Variants in LSAMP observed in about 807,000 individuals in gnomAD.
LSAMP encodes the protein limbic system-associated membrane protein.
Under a neutral mutation model 38.6 loss-of-function variants are expected in LSAMP, and 7 were observed. The observed-to-expected ratio is 0.18, with a 90% CI of 0.10 to 0.34. The LOEUF (loss-of-function observed/expected upper bound fraction) is 0.34, where lower values mean the gene tolerates loss of function less well. Ranked by LOEUF, LSAMP falls within the 10% of genes least tolerant of loss-of-function variation. LSAMP has a pLI of 1.00. For synonymous variants in LSAMP, 154 were observed against 166.8 expected (o/e 0.92, Z 0.59); for missense variants, 313 against 420.0 (o/e 0.75, Z 2.23).
intron 3 of LSAMP, among the ~76,000 whole-genome samples, chr3:115,941,591 A>C (rs1353779831): frequency 6.6e-6 from 1 of 152,162 alleles, no homozygotes; most frequent in Non-Finnish European, 1.5e-5. Flanking sequence ...ACAGATACAC[A>C]CACACAATAG....
At chr3:115,997,977 CGTGT>C (rs1285046389) in intron 3 of LSAMP, among the ~76,000 whole-genome samples, 2 of 147,380 alleles carry the variant, frequency 1.4e-5, no homozygotes, top group African/African-American at 5.0e-5. Context: ...TTCTATATAT[CGTGT>C]GTGTGATATG....
chr3:116,381,624 A>T (rs1452289199), intron 1 of LSAMP, among the ~76,000 whole-genome samples: 1 of 152,170 alleles, frequency 6.6e-6, no homozygotes, highest in Non-Finnish European at 1.5e-5. Context: ...TACAACCTAG[A>T]CAACAACATA....
intron 1 of LSAMP, among the ~76,000 whole-genome samples, chr3:116,134,633 T>C (rs1709206834): frequency 1.3e-5 from 2 of 152,222 alleles, no homozygotes; most frequent in South Asian, 4.1e-4. Context: ...ACCATCTTCC[T>C]CAATATTTGC....
chr3:116,432,575 A>T (rs1731608), intron 1 of LSAMP, among the ~76,000 whole-genome samples: 129,657 of 151,216 alleles, frequency 0.86, 55,693 homozygotes, highest in Middle Eastern at 0.98. Context: ...AGGATTTTTT[A>T]AAAAAATTGT....
intron 3 of LSAMP, among the ~76,000 whole-genome samples, chr3:115,961,356 G>A (rs58478185): frequency 0.035 from 5,274 of 152,276 alleles, 216 homozygotes; most frequent in African/African-American, 0.1. Context: ...GGAGGACACT[G>A]CCAATTCTCC....
chr3:116,245,085 A>G (rs1162507165), intron 1 of LSAMP, among the ~76,000 whole-genome samples: 1 of 152,166 alleles, frequency 6.6e-6, no homozygotes, highest in Non-Finnish European at 1.5e-5. Context: ...GATAGAGTCT[A>G]AAGAGGTAAT....
chr3:116,409,767 C>T (rs2048946668), intron 1 of LSAMP, among the ~76,000 whole-genome samples: 1 of 152,004 alleles, frequency 6.6e-6, no homozygotes, highest in Admixed American at 6.6e-5. Flanking sequence ...TAACCACTTG[C>T]CCTTTTAAAT....
intron 1 of LSAMP, among the ~76,000 whole-genome samples, chr3:116,178,709 T>C (rs1304911888): frequency 6.6e-6 from 1 of 152,086 alleles, no homozygotes; most frequent in East Asian, 1.9e-4. Flanking sequence ...GAGCCCAAGA[T>C]AAACCAAATC....
intron 2 of LSAMP, among the ~76,000 whole-genome samples, chr3:116,060,892 A>G (rs1003963287): frequency 6.6e-6 from 1 of 152,046 alleles, no homozygotes; most frequent in Non-Finnish European, 1.5e-5. Context: ...AAAAAATAAA[A>G]TACCACAATG....
At chr3:116,046,397 G>A (rs146844188) in intron 2 of LSAMP, among the ~76,000 whole-genome samples, 209 of 151,822 alleles carry the variant, frequency 1.4e-3, no homozygotes, top group African/African-American at 4.3e-3. Context: ...TTGGAAAAAA[G>A]AAACAGGAAA....
rs201478952 is a variant in LSAMP, at chr3:116,216,970, A to G, written c.156-130414T>C. ...GGTTTAGTGGTTAAGATAAGCACTT[A>G]AAGTGAGGCTGTTCTTATTCTAAGC... On this transcript the variant is annotated intron_variant, in intron 1 of 6. Coordinates refer to ENST00000490035, the MANE Select transcript of LSAMP (RefSeq NM_002338.5). Among the ~76,000 whole-genome samples, 8 of 152,360 alleles carry G rather than the reference A, an allele frequency of 5.3e-5. No individual in the cohort carries two copies. The East Asian group carries it at 1.5e-3, about 29-fold the overall frequency.
At chr3:115,820,004 T>C (rs987623358) in intron 6 of LSAMP, among the ~76,000 whole-genome samples, 2 of 150,414 alleles carry the variant, frequency 1.3e-5, no homozygotes, top group African/African-American at 4.9e-5. Context: ...GAGGTGGCAA[T>C]AGTGGGAGAA....
intron 1 of LSAMP, among the ~76,000 whole-genome samples, chr3:116,442,542 C>T (rs13094055): frequency 0.25 from 38,185 of 151,874 alleles, 5,238 homozygotes; most frequent in African/African-American, 0.37. Context: ...GAAAGCTTAC[C>T]GGTTTTAAAG....
intron 1 of LSAMP, among the ~76,000 whole-genome samples, chr3:116,328,479 C>A (rs2047804719): frequency 6.6e-6 from 1 of 152,146 alleles, no homozygotes; most frequent in Non-Finnish European, 1.5e-5. Context: ...TAGAGATTAA[C>A]ATTACAGGTA....
intron 1 of LSAMP, among the ~76,000 whole-genome samples, chr3:116,139,388 C>T (rs889579042): frequency 6.6e-6 from 1 of 151,920 alleles, no homozygotes; most frequent in Non-Finnish European, 1.5e-5. Flanking sequence ...GTTTCTGAGG[C>T]CAACCTGGAG....
chr3:116,194,571 G>C (rs1008492965), intron 1 of LSAMP, among the ~76,000 whole-genome samples: 9 of 152,028 alleles, frequency 5.9e-5, no homozygotes, highest in African/African-American at 2.2e-4. Flanking sequence ...ATTTTTTCGT[G>C]TTTTTTAGTA....
chr3:116,430,853 C>G (rs1216842769), intron 1 of LSAMP, among the ~76,000 whole-genome samples: 1 of 151,994 alleles, frequency 6.6e-6, no homozygotes, highest in African/African-American at 2.4e-5. Context: ...TGTCATTCAA[C>G]TAGATTTGCT....
chr3:116,105,553 G>T (rs1008840721), intron 1 of LSAMP, among the ~76,000 whole-genome samples: 1 of 152,120 alleles, frequency 6.6e-6, no homozygotes, highest in Admixed American at 6.5e-5. Context: ...GTGGGCAGGG[G>T]CGGGGGTCAC....
chr3:116,354,850 T>A (rs888476593), intron 1 of LSAMP, among the ~76,000 whole-genome samples: 4 of 122,080 alleles, frequency 3.3e-5, no homozygotes, highest in Non-Finnish European at 7.3e-5. Flanking sequence ...TATATATGTG[T>A]GTGTGTGTGT....
Sources: gnomAD v4.1 joint callset for allele counts (sites outside exome capture counted in the v4.1 genomes callset) on GRCh38, gnomAD v4.1.1 for gene constraint, MANE v1.5 for transcripts, NCBI Gene and HGNC (gene_info 2026-07-23, HGNC 2026-07-21) for gene names.